The following DLC1 variants were observed in gnomAD, a reference collection of about 807,000 sequenced individuals.
DLC1 encodes DLC1 Rho GTPase activating protein.
DLC1 carries 54 observed loss-of-function variants against 140.3 expected under a neutral mutation model. The observed-to-expected ratio is 0.38, with a 90% CI of 0.31 to 0.48. The LOEUF is 0.48. Ranked by LOEUF, DLC1 falls within the 20% of genes least tolerant of loss-of-function variation. DLC1 has a pLI of 0.96. For missense variants in DLC1, 2,536 were observed against 1,907.0 expected (o/e 1.33, Z -6.14); for synonymous variants, 986 against 728.1 (o/e 1.35, Z -5.70).
At chr8:13,363,934 C>A (rs957841976) in intron 4 of DLC1, among the ~76,000 whole-genome samples, 5 of 152,208 alleles carry the variant, frequency 3.3e-5, no homozygotes, top group African/African-American at 4.8e-5. Flanking sequence ...TCCCTTAACT[C>A]TTTCTACGCT....
chr8:13,376,836 C>G (rs1836014253), intron 4 of DLC1, among the ~76,000 whole-genome samples: 1 of 152,152 alleles, frequency 6.6e-6, no homozygotes, highest in South Asian at 2.1e-4. Context: ...ATGAGTGACT[C>G]CAGTCTATGG....
intron 12 of DLC1, among the ~76,000 whole-genome samples, chr8:13,094,092 A>G (rs1818304181): frequency 6.6e-6 from 1 of 152,208 alleles, no homozygotes. Context: ...AGGGGTGTGA[A>G]GCAACTGAAA....
At chr8:13,525,760 T>A (rs563887721) in intron 1 of DLC1, among the ~76,000 whole-genome samples, 1 of 152,338 alleles carries the variant, frequency 6.6e-6, no homozygotes, top group Non-Finnish European at 1.5e-5. Flanking sequence ...TCTTCTAGTC[T>A]AGCTTGTCTT....
At chr8:13,374,457 G>A (rs571421744) in intron 4 of DLC1, among the ~76,000 whole-genome samples, 1 of 152,254 alleles carries the variant, frequency 6.6e-6, no homozygotes, top group African/African-American at 2.4e-5. Flanking sequence ...GTGTATATGA[G>A]TGAGGGAAGG....
intron 2 of DLC1, among the ~76,000 whole-genome samples, chr8:13,446,473 TC>T (rs1273523822): frequency 2.6e-5 from 4 of 152,204 alleles, no homozygotes; most frequent in African/African-American, 9.6e-5. Flanking sequence ...TGTTATTTAG[TC>T]ATGACTAAGT....
At position 13,085,828 on chromosome 8, in the gene DLC1, CT is replaced by C. The variant is rs1183417415; in HGVS notation, c.4569del (p.Asp1524ThrfsTer8). On this transcript the variant is annotated frameshift_variant, in exon 18 of 18. Coordinates refer to ENST00000276297, the MANE Select transcript of DLC1 (RefSeq NM_182643.3). LOFTEE classifies it high-confidence loss of function. ...DSFSNQNTETKDTKSR is the reference protein window; with the variant it reads ...DSFSNQNTETXDTKSR Reference sequence around the variant, plus strand: ...TTCAGTGATCACCTAGATTTGGTGTCTTTGGTTTCAGTGTTCTGGTTACTGA... The same window carrying C: ...TTCAGTGATCACCTAGATTTGGTGTCTTGGTTTCAGTGTTCTGGTTACTGA... 1.2e-6 allele frequency: 2 copies of C among 1,614,132 alleles called. No homozygotes were observed. The highest frequency in any genetic ancestry group is 1.7e-6 in the Non-Finnish European group (2 of 1,180,016).
chr8:13,225,479 G>C (rs890738447), intron 5 of DLC1, among the ~76,000 whole-genome samples: 1 of 152,136 alleles, frequency 6.6e-6, no homozygotes, highest in Non-Finnish European at 1.5e-5. Context: ...AGGGCATTAA[G>C]AACTTTAAGT....
In DLC1 at chr8:13,495,546, C is replaced by T. The variant is rs368851811; in HGVS notation, c.1023+3503G>A. On this transcript the variant is annotated intron_variant, in intron 2 of 17. Coordinates refer to ENST00000276297, the MANE Select transcript of DLC1 (RefSeq NM_182643.3). ...CTTCAATTTCATTATATATTTCATC[C>T]TATTTAGAGGAATTATTGGCTTAAA... Among the ~76,000 whole-genome samples the T allele has an allele frequency of 5.0e-4, 76 of 152,196 alleles. 1 individual carries two copies. Among genetic ancestry groups the T allele is most frequent in the Admixed American group, 1.2e-3 (18 of 15,288 alleles).
intron 5 of DLC1, among the ~76,000 whole-genome samples, chr8:13,285,566 C>G (rs1831510463): frequency 1.3e-5 from 2 of 152,036 alleles, no homozygotes; most frequent in African/African-American, 2.4e-5. Flanking sequence ...AAAAGATGCC[C>G]AACGTCATAA....
chr8:13,263,973 C>A (rs957491612), intron 5 of DLC1, among the ~76,000 whole-genome samples: 2 of 151,884 alleles, frequency 1.3e-5, no homozygotes, highest in Non-Finnish European at 2.9e-5. Context: ...TAGTTGGAAA[C>A]AACATAGATG....
At chr8:13,554,820 G>C (rs1765377714) in intron 1 of DLC1, among the ~76,000 whole-genome samples, 1 of 152,144 alleles carries the variant, frequency 6.6e-6, no homozygotes, top group Non-Finnish European at 1.5e-5. Flanking sequence ...AGAGATATCT[G>C]TTAAGATGTC....
intron 3 of DLC1, among the ~76,000 whole-genome samples, chr8:13,399,998 C>G (rs1177646664): frequency 1.3e-5 from 2 of 152,028 alleles, no homozygotes; most frequent in East Asian, 1.9e-4. Context: ...GGTCCTAATC[C>G]TGCCATTATA....
rs771604823 is a variant in DLC1 at position 13,100,178 on chromosome 8, T to G, written c.2159A>C (p.Asn720Thr). 1.2e-6 allele frequency: 2 copies of G among 1,613,064 alleles called. No individual in the cohort carries two copies. The highest frequency in any genetic ancestry group is 2.2e-5 in the South Asian group (2 of 91,008). The change falls in exon 9 of 18, where the codon AAT becomes ACT. Residue 720 changes from asparagine (N) to threonine (T), a missense_variant. Asn to Thr is a moderately conservative substitution (Grantham distance 65). Transcript: ENST00000276297. Reference protein sequence around the residue: ...QLNCVEISALNGNRINVPMVR... With the variant: ...QLNCVEISALTGNRINVPMVR... Reference sequence around the variant, plus strand: ...CATGGGGACGTTGATGCGGTTGCCATTGAGGGCGGAGATCTCCACGCAGTT... The same window carrying G: ...CATGGGGACGTTGATGCGGTTGCCAGTGAGGGCGGAGATCTCCACGCAGTT...
chr8:13,196,041 T>C (rs79864700), intron 5 of DLC1, among the ~76,000 whole-genome samples: 1,741 of 151,908 alleles, frequency 0.011, 15 homozygotes, highest in Non-Finnish European at 0.017. Context: ...CTTTATACAA[T>C]ATATACCATT....
intron 5 of DLC1, among the ~76,000 whole-genome samples, chr8:13,275,018 T>C (rs747022303): frequency 5.3e-5 from 8 of 152,232 alleles, no homozygotes; most frequent in Non-Finnish European, 8.8e-5. Context: ...CGTATTTCTT[T>C]AGGGTGCCAC....
chr8:13,170,766 G>A (rs1039840807), intron 5 of DLC1, among the ~76,000 whole-genome samples: 4 of 151,464 alleles, frequency 2.6e-5, no homozygotes, highest in South Asian at 2.1e-4. Flanking sequence ...TGTATAATGT[G>A]TGTTGCAGAA....
chr8:13,428,454 T>C (rs990047084), intron 2 of DLC1, among the ~76,000 whole-genome samples: 2 of 152,218 alleles, frequency 1.3e-5, no homozygotes, highest in Admixed American at 6.5e-5. Flanking sequence ...ATCATTATGA[T>C]ATCTGTTAGC....
chr8:13,225,760 C>T (rs371583661), intron 5 of DLC1, among the ~76,000 whole-genome samples: 70 of 151,840 alleles, frequency 4.6e-4, no homozygotes, highest in African/African-American at 1.7e-3. Flanking sequence ...GGACTACAGG[C>T]ACCCGCCACC....
chr8:13,191,839 CT>C (rs1160825306), intron 5 of DLC1, among the ~76,000 whole-genome samples: 4 of 152,172 alleles, frequency 2.6e-5, no homozygotes, highest in Middle Eastern at 3.4e-3. Context: ...AGTACTAACT[CT>C]GTAGTCCTTT....
Sources: gnomAD v4.1 joint callset for allele counts (sites outside exome capture counted in the v4.1 genomes callset) on GRCh38, gnomAD v4.1.1 for gene constraint, MANE v1.5 for transcripts, NCBI Gene and HGNC (gene_info 2026-07-23, HGNC 2026-07-21) for gene names.